SFRP2: variants seen among roughly 807,000 people sequenced by gnomAD.
SFRP2 encodes secreted frizzled related protein 2.
A neutral mutation model predicts 26.0 loss-of-function variants in SFRP2; 16 were observed. The ratio of observed to expected loss-of-function variants is 0.61; its 90% CI spans 0.42 to 0.93. SFRP2 has a LOEUF of 0.93. Ranked by LOEUF, SFRP2 falls within the 40% of genes least tolerant of loss-of-function variation. SFRP2 has a pLI of 0.00. For missense variants in SFRP2, 343 were observed against 392.4 expected, an observed-to-expected ratio of 0.87 and a Z score of 1.06; for synonymous variants, 173 against 167.3, an observed-to-expected ratio of 1.03 and a Z score of -0.26.
Position 153,788,507 on chromosome 4 carries a change from G to A in SFRP2, c.329C>T (p.Thr110Ile), listed in dbSNP as rs1162814359. 3.7e-6 allele frequency: 6 copies of A among 1,614,092 alleles called. No individual in the cohort carries two copies. The highest frequency in any genetic ancestry group is 5.1e-6 in the Non-Finnish European group (6 of 1,180,050). Residue 110 changes from threonine to isoleucine, a missense_variant, in exon 1 of 3, where the codon ACC (threonine) becomes ATC (isoleucine). Transcript: ENST00000274063. ...APVCLDDLDE[T>I]IQPCHSLCVQ... is the part of the protein sequence containing the mutation. The stretch of plus-strand genomic sequence containing the variant: ...GCAGAGCGAGTGGCATGGCTGGATG[G>A]TCTCGTCTAGGTCATCGAGGCAGAC...
At chr4:153,786,637 T>A (rs1741214219) in intron 1 of SFRP2, among the ~76,000 whole-genome samples, 1 of 152,216 alleles carries the variant, frequency 6.6e-6, no homozygotes, top group African/African-American at 2.4e-5. Flanking sequence ...CAGCATTCAT[T>A]TCATTGTTAT....
intron 2 of SFRP2, among the ~76,000 whole-genome samples, chr4:153,783,696 G>A (rs2127182689): frequency 6.6e-6 from 1 of 152,322 alleles, no homozygotes; most frequent in East Asian, 1.9e-4. Context: ...AGCACAGTAG[G>A]GAAGAGGTGA....
At position 153,788,789 on chromosome 4, in the gene SFRP2, T is replaced by G; in HGVS notation, c.47A>C (p.His16Pro). 3 of 1,608,110 alleles carry G rather than the reference T, an allele frequency of 1.9e-6. No individual in the cohort carries two copies. Among genetic ancestry groups the G allele is most frequent in the Non-Finnish European group, 2.5e-6 (3 of 1,179,682 alleles). The change falls in exon 1 of 3, where the codon CAC becomes CCC. Residue 16 changes from histidine (H) to proline (P), a missense_variant. By Grantham distance (77) the His-to-Pro change is moderately conservative. Transcript: ENST00000274063. ...CCCGCGCGCCGAGCCCAGGCAGCAG[T>G]GCGAGGCGAGGAAGAGCAGCAGCAG... ...GSLLLLFLAS[H>P]CCLGSARGLF... is the part of the protein sequence containing the mutation.
chr4:153,782,327 A>C (rs939925062), intron 2 of SFRP2, among the ~76,000 whole-genome samples: 2 of 152,364 alleles, frequency 1.3e-5, no homozygotes, highest in South Asian at 2.1e-4. Context: ...ACAATATGCA[A>C]GTCTCTTTTT....
chr4:153,788,333 C>T lies in SFRP2; in HGVS notation c.502+1G>A, dbSNP rs1278422571. The T allele has an allele frequency of 1.2e-6, 2 of 1,609,286 alleles. No individual in the cohort carries two copies. Among genetic ancestry groups the T allele is most frequent in the South Asian group, 1.1e-5 (1 of 90,966 alleles). ...GTGGGGAAGCAAGAGGGAAGGCTTACCTTCCTCGGTGGCTGGCAGGAGGTG... is the reference window on the plus strand; with the variant it reads ...GTGGGGAAGCAAGAGGGAAGGCTTATCTTCCTCGGTGGCTGGCAGGAGGTG... On this transcript the variant is annotated splice_donor_variant, in intron 1 of 2. Coordinates refer to ENST00000274063, the MANE Select transcript of SFRP2 (RefSeq NM_003013.3). LOFTEE classifies it high-confidence loss of function.
chr4:153,781,408 C>G lies in SFRP2; in HGVS notation c.*43G>C. The G allele has an allele frequency of 6.4e-7, 1 of 1,560,820 alleles. No homozygotes were observed. Among genetic ancestry groups the G allele is most frequent in the Non-Finnish European group, 8.7e-7 (1 of 1,147,196 alleles). ...AGATCCCGGAGCAGAAATGGTCAGC[C>G]GTGCTCTGGAGCAGGCCTGTCGGAG... On this transcript the variant is annotated 3_prime_UTR_variant, in exon 3 of 3. Coordinates refer to ENST00000274063, the MANE Select transcript of SFRP2 (RefSeq NM_003013.3).
Position 153,788,112 on chromosome 4 carries a change from G to T in SFRP2, c.502+222C>A, listed in dbSNP as rs146054481. ...TTTTAAACTGCCCTTAAGTATAGCT[G>T]GTACAACTCGGGAGGAGAATGCGCG... On this transcript the variant is annotated intron_variant, in intron 1 of 2. Transcript: ENST00000274063. Among the ~76,000 whole-genome samples the T allele has an allele frequency of 3.9e-3, 601 of 152,342 alleles. 2 individuals are homozygous for T. The highest frequency in any genetic ancestry group is 0.013 in the South Asian group (62 of 4,830).
At chr4:153,782,835 G>A (rs903267516) in intron 2 of SFRP2, among the ~76,000 whole-genome samples, 2 of 152,132 alleles carry the variant, frequency 1.3e-5, no homozygotes, top group African/African-American at 4.8e-5. Flanking sequence ...GCTGCAATGT[G>A]TCCTAAGACC....
In SFRP2 at chr4:153,781,414, C is replaced by G. The variant is rs774006240; in HGVS notation, c.*37G>C. The G allele has an allele frequency of 3.8e-6, 6 of 1,582,844 alleles. No individual in the cohort carries two copies. The highest frequency in any genetic ancestry group is 5.2e-6 in the Non-Finnish European group (6 of 1,163,506). On this transcript the variant is annotated 3_prime_UTR_variant, in exon 3 of 3. Transcript: ENST00000274063. ...CGGAGCAGAAATGGTCAGCCGTGCT[C>G]TGGAGCAGGCCTGTCGGAGCCATCA...
At chr4:153,784,467 C>A (rs1454714196) in intron 2 of SFRP2, among the ~76,000 whole-genome samples, 1 of 152,234 alleles carries the variant, frequency 6.6e-6, no homozygotes, top group Non-Finnish European at 1.5e-5. Flanking sequence ...CTTTGAGCTA[C>A]CTCCCTTCTT....
rs1741273353 is a variant in SFRP2, at chr4:153,789,044, G to T, written c.-209C>A. 1.9e-6 allele frequency: 1 copy of T among 535,960 alleles called. No homozygotes were observed. Among genetic ancestry groups the T allele is most frequent in the Non-Finnish European group, 3.2e-6 (1 of 317,338 alleles). The allele number at this position is 535,960 out of a possible 1,614,324, so 33.2% of individuals were successfully genotyped here. On this transcript the variant is annotated 5_prime_UTR_variant, in exon 1 of 3. Transcript: ENST00000274063. ...TGCAAGCCCGCGCGCAGCTCCGGGG[G>T]GCTCCGACCCGGGGGAGCAGAATGA...
chr4:153,788,860 C>A lies in SFRP2; in HGVS notation c.-25G>T. 2 of 1,554,084 alleles carry A rather than the reference C, an allele frequency of 1.3e-6. No individual in the cohort carries two copies. Among genetic ancestry groups the A allele is most frequent in the East Asian group, 2.3e-5 (1 of 42,906 alleles). ...TCGTGGGCGCGCGACCCCGAGGGGG[C>A]AGAGGGAGCGGAGCCGGGGAAGGGC... On this transcript the variant is annotated 5_prime_UTR_variant, in exon 1 of 3. Transcript: ENST00000274063.
At chr4:153,783,567 C>T (rs78176516) in intron 2 of SFRP2, among the ~76,000 whole-genome samples, 2,066 of 152,208 alleles carry the variant, frequency 0.014, 19 homozygotes, top group Non-Finnish European at 0.02. Context: ...AGGATGTGAT[C>T]GCAGGCAGAG....
At position 153,789,027 on chromosome 4, in the gene SFRP2, C is replaced by T. The variant is rs991152520; in HGVS notation, c.-192G>A. On this transcript the variant is annotated 5_prime_UTR_variant, in exon 1 of 3. Transcript: ENST00000274063. ...CAGCGCGGGCGAGGCGCTGCAAGCC[C>T]GCGCGCAGCTCCGGGGGGCTCCGAC... The T allele has an allele frequency of 1.2e-5, 7 of 575,530 alleles. No homozygotes were observed. In the East Asian group the frequency reaches 2.3e-4, roughly 19 times the overall value. 35.7% of individuals were successfully genotyped at this position (575,530 alleles called of 1,614,324 possible).
At chr4:153,783,346 C>G (rs142955274) in intron 2 of SFRP2, among the ~76,000 whole-genome samples, 14 of 152,276 alleles carry the variant, frequency 9.2e-5, no homozygotes, top group Non-Finnish European at 1.0e-4. Flanking sequence ...GAAACATTCT[C>G]AAGCTCCAAA....
chr4:153,785,989 A>T, intron 1 of SFRP2, 45 bp from the exon 2 acceptor site: 1 of 1,283,444 alleles, frequency 7.8e-7, no homozygotes, highest in South Asian at 1.4e-5. Flanking sequence ...CTTAAAAGAG[A>T]ACAGTAGGTG....
intron 1 of SFRP2, among the ~76,000 whole-genome samples, chr4:153,787,606 T>C (rs1202314764): frequency 1.3e-5 from 2 of 152,202 alleles, no homozygotes; most frequent in Non-Finnish European, 2.9e-5. Flanking sequence ...GGGAATCTCT[T>C]TTGCATGATT....
At chr4:153,787,123 A>G (rs1181718481) in intron 1 of SFRP2, among the ~76,000 whole-genome samples, 1 of 152,174 alleles carries the variant, frequency 6.6e-6, no homozygotes, top group Non-Finnish European at 1.5e-5. Flanking sequence ...TGATAGTGGG[A>G]AGAAATAAAA....
chr4:153,786,033 A>G, intron 1 of SFRP2, 89 bp from the exon 2 acceptor site: 1 of 665,968 alleles, frequency 1.5e-6, no homozygotes, highest in Non-Finnish European at 2.5e-6. Flanking sequence ...ACTTATCCAG[A>G]CAAAAGTAGC....
Sources: allele counts gnomAD v4.1 joint callset (sites outside exome capture counted in the v4.1 genomes callset), GRCh38; gene constraint gnomAD v4.1.1; transcripts MANE v1.5; gene names NCBI Gene and HGNC (gene_info 2026-07-23, HGNC 2026-07-21).